The following PTPRD variants were observed in gnomAD, a reference collection of about 807,000 sequenced individuals.
PTPRD encodes the protein protein tyrosine phosphatase receptor type D, also known as receptor-type tyrosine-protein phosphatase delta.
PTPRD carries 34 observed loss-of-function variants against 214.5 expected under a neutral mutation model. The observed-to-expected ratio is 0.16, with a 90% confidence interval of 0.12 to 0.21. PTPRD has a LOEUF of 0.21. PTPRD is among the 10% of genes least tolerant of loss of function. PTPRD has a pLI of 1.00. For synonymous variants in PTPRD, 1,128 were observed against 845.7 expected (o/e 1.33, Z -5.79); for missense variants, 2,545 against 2,398.7 (o/e 1.06, Z -1.27).
chr9:10,487,083 T>C (rs2099137668), intron 2 of PTPRD, among the ~76,000 whole-genome samples: 1 of 152,206 alleles, frequency 6.6e-6, no homozygotes, highest in African/African-American at 2.4e-5. Context: ...TTTTATAGTT[T>C]GTCTTGAAAT....
At chr9:9,042,162 C>T (rs1031544844) in intron 10 of PTPRD, among the ~76,000 whole-genome samples, 1 of 152,304 alleles carries the variant, frequency 6.6e-6, no homozygotes, top group Non-Finnish European at 1.5e-5. Context: ...TGGTTTTATT[C>T]TCTCTGACCG....
chr9:9,125,647 C>T (rs1026652292), intron 10 of PTPRD, among the ~76,000 whole-genome samples: 6 of 152,110 alleles, frequency 3.9e-5, no homozygotes, highest in African/African-American at 1.4e-4. Flanking sequence ...GAAAACATAG[C>T]CTCCCAGGTG....
chr9:8,916,089 C>A (rs1251536143), intron 11 of PTPRD, among the ~76,000 whole-genome samples: 1 of 152,034 alleles, frequency 6.6e-6, no homozygotes, highest in Non-Finnish European at 1.5e-5. Context: ...GAAATTTTAT[C>A]CTGGATTTTC....
At chr9:9,978,795 A>T (rs942975076) in intron 4 of PTPRD, among the ~76,000 whole-genome samples, 55 of 152,198 alleles carry the variant, frequency 3.6e-4, no homozygotes, top group African/African-American at 1.3e-3. Flanking sequence ...ATAAACACAG[A>T]TCGAAGAGTA....
Position 9,338,063 on chromosome 9 carries a change from C to T in PTPRD, c.-203+59386G>A, listed in dbSNP as rs369920543. Among the ~76,000 whole-genome samples, 14 of 152,224 alleles carry T rather than the reference C, an allele frequency of 9.2e-5. No individual in the cohort carries two copies. In the East Asian group the frequency reaches 1.7e-3, roughly 19 times the overall value. ...TTTTTTGTTTCATGTACAAATTGCT[C>T]CATTCAAATAAAAAATTACATCTGA... On this transcript the variant is annotated intron_variant, in intron 9 of 45. Coordinates refer to ENST00000381196, the MANE Select transcript of PTPRD (RefSeq NM_002839.4).
At chr9:8,593,951 C>CAT (rs1295199544) in intron 14 of PTPRD, among the ~76,000 whole-genome samples, 1 of 152,110 alleles carries the variant, frequency 6.6e-6, no homozygotes, top group African/African-American at 2.4e-5. Flanking sequence ...CAGTAGGATA[C>CAT]ATATATATGC....
At chr9:8,533,762 A>G (rs934629812) in intron 14 of PTPRD, among the ~76,000 whole-genome samples, 1 of 151,968 alleles carries the variant, frequency 6.6e-6, no homozygotes, top group African/African-American at 2.4e-5. Flanking sequence ...TTTCTTCGTA[A>G]CCTTCCCAAT....
chr9:9,779,104 A>AAAAAAAAAAAAAAAAAAAAAAAAAGG (rs2098823144), intron 5 of PTPRD, among the ~76,000 whole-genome samples: 1 of 146,498 alleles, frequency 6.8e-6, no homozygotes, highest in Non-Finnish European at 1.5e-5. Context: ...AAAAAAAAAA[A>AAAAAAAAAAAAAAAAAAAAAAAAAGG]GCAATGGGGA....
At chr9:10,193,803 C>T (rs1368988179) in intron 3 of PTPRD, among the ~76,000 whole-genome samples, 1 of 152,030 alleles carries the variant, frequency 6.6e-6, no homozygotes, top group South Asian at 2.1e-4. Flanking sequence ...CTTTAAACTA[C>T]TTTAAATAAT....
intron 8 of PTPRD, among the ~76,000 whole-genome samples, chr9:9,477,652 G>T (rs913286884): frequency 2.6e-5 from 4 of 152,046 alleles, no homozygotes. Flanking sequence ...ACTGATATCC[G>T]TGCAAGGAAC....
chr9:9,217,564 G>A (rs1466073508), intron 9 of PTPRD, among the ~76,000 whole-genome samples: 5 of 149,246 alleles, frequency 3.4e-5, no homozygotes, highest in African/African-American at 1.2e-4. Flanking sequence ...ATCCATTCAG[G>A]ACTCCATCTA....
At chr9:8,362,116 A>C (rs994792354) in intron 39 of PTPRD, among the ~76,000 whole-genome samples, 4 of 152,234 alleles carry the variant, frequency 2.6e-5, no homozygotes, top group African/African-American at 9.6e-5. Flanking sequence ...CTTCACTCTA[A>C]AAATGACTTA....
intron 7 of PTPRD, among the ~76,000 whole-genome samples, chr9:9,723,852 A>T (rs564014691): frequency 3.3e-5 from 5 of 152,264 alleles, no homozygotes; most frequent in Middle Eastern, 6.8e-3. Context: ...TTTGTAAAGT[A>T]TTAATCTTGT....
chr9:8,530,018 G>C (rs988455816), intron 14 of PTPRD, among the ~76,000 whole-genome samples: 3 of 151,998 alleles, frequency 2.0e-5, no homozygotes, highest in Admixed American at 2.0e-4. Context: ...AGCATAAACA[G>C]CAGCGAGCAG....
chr9:9,952,841 C>T lies in PTPRD; in HGVS notation c.-471-14231G>A, dbSNP rs186500898. Among the ~76,000 whole-genome samples, 365 of 152,236 alleles carry T rather than the reference C, an allele frequency of 2.4e-3. 3 individuals carry two copies. Among genetic ancestry groups the T allele is most frequent in the African/African-American group, 8.3e-3 (343 of 41,554 alleles). ...AGATAAATTTATTCCAAATCCACTG[C>T]ACAGTGTTTCTGATCTGTTCACTTA... On this transcript the variant is annotated intron_variant, in intron 4 of 45. Coordinates refer to ENST00000381196, the MANE Select transcript of PTPRD (RefSeq NM_002839.4).
At chr9:9,598,126 A>C (rs1399902372) in intron 7 of PTPRD, among the ~76,000 whole-genome samples, 1 of 151,918 alleles carries the variant, frequency 6.6e-6, no homozygotes, top group Non-Finnish European at 1.5e-5. Context: ...CTCCTTCAAA[A>C]CCAAGAGACT....
chr9:8,554,087 C>G (rs1401266322), intron 14 of PTPRD, among the ~76,000 whole-genome samples: 1 of 152,124 alleles, frequency 6.6e-6, no homozygotes, highest in Non-Finnish European at 1.5e-5. Flanking sequence ...ACTTGGAAGG[C>G]TGAGGCAGTA....
intron 3 of PTPRD, among the ~76,000 whole-genome samples, chr9:10,166,211 G>C (rs1030246433): frequency 7.2e-6 from 1 of 139,832 alleles, no homozygotes; most frequent in East Asian, 2.1e-4. Flanking sequence ...TTGATTGTTA[G>C]AGATACCTAG....
chr9:8,679,683 T>C (rs2097511696), intron 12 of PTPRD, among the ~76,000 whole-genome samples: 1 of 152,200 alleles, frequency 6.6e-6, no homozygotes, highest in African/African-American at 2.4e-5. Flanking sequence ...GAATGAATAG[T>C]GATGTGATGT....
Sources: allele counts gnomAD v4.1 joint callset (sites outside exome capture counted in the v4.1 genomes callset), GRCh38; gene constraint gnomAD v4.1.1; transcripts MANE v1.5; gene names NCBI Gene and HGNC (gene_info 2026-07-23, HGNC 2026-07-21).